Variants in LRMDA observed in about 807,000 individuals in gnomAD.
LRMDA encodes the protein leucine-rich melanocyte differentiation-associated protein.
In LRMDA, 18 loss-of-function variants were observed where a neutral mutation model predicts 29.8. That is an observed-to-expected ratio of 0.60 (90% CI 0.42 to 0.90). The LOEUF is 0.90. Ranked by LOEUF, LRMDA falls within the 40% of genes least tolerant of loss-of-function variation. The pLI, the probability that LRMDA is intolerant of heterozygous loss-of-function variation, is 0.00. For synonymous variants in LRMDA, 125 were observed against 109.4 expected (o/e 1.14, Z -0.89); for missense variants, 273 against 273.9 (o/e 1.00, Z 0.02).
At chr10:76,082,076 A>G (rs1849058358) in intron 5 of LRMDA, among the ~76,000 whole-genome samples, 1 of 152,122 alleles carries the variant, frequency 6.6e-6, no homozygotes, top group South Asian at 2.1e-4. Context: ...AGATTCACCT[A>G]CCTGAGGATT....
chr10:75,558,336 A>G (rs1840242445), intron 2 of LRMDA, among the ~76,000 whole-genome samples: 1 of 152,060 alleles, frequency 6.6e-6, no homozygotes, highest in Non-Finnish European at 1.5e-5. Flanking sequence ...CTTTGCCAGG[A>G]GAGCAAAACT....
intron 2 of LRMDA, among the ~76,000 whole-genome samples, chr10:75,805,601 T>G (rs1285895914): frequency 1.3e-5 from 2 of 152,094 alleles, no homozygotes; most frequent in Admixed American, 6.5e-5. Context: ...TCTGAGATTT[T>G]GGGTAGCTGA....
chr10:76,468,717 G>T lies in LRMDA; in HGVS notation c.602-88492G>T, dbSNP rs1189683289. Among the ~76,000 whole-genome samples the T allele has an allele frequency of 2.6e-5, 4 of 152,230 alleles. No individual in the cohort carries two copies. In the East Asian group the frequency reaches 7.7e-4, roughly 29 times the overall value. On this transcript the variant is annotated intron_variant, in intron 6 of 6. Coordinates refer to ENST00000611255, the MANE Select transcript of LRMDA (RefSeq NM_001305581.2). The stretch of plus-strand genomic sequence containing the variant: ...GCATGTGTTTGGAAAAAACTGTAGG[G>T]ATTTAAAAGTTAAACTTCTCACAGA...
chr10:75,908,903 A>C (rs889687865), intron 2 of LRMDA, among the ~76,000 whole-genome samples: 2 of 152,204 alleles, frequency 1.3e-5, no homozygotes, highest in Non-Finnish European at 2.9e-5. Flanking sequence ...CAAGTACTGA[A>C]TATCTGATTG....
chr10:75,750,122 T>C (rs10824339), intron 2 of LRMDA, among the ~76,000 whole-genome samples: 53,963 of 152,152 alleles, frequency 0.35, 15,945 homozygotes, highest in African/African-American at 0.81. Context: ...CATCATGGCC[T>C]GTTCTCAATG....
At chr10:75,822,642 C>T (rs1446991054) in intron 2 of LRMDA, among the ~76,000 whole-genome samples, 1 of 151,978 alleles carries the variant, frequency 6.6e-6, no homozygotes, top group Non-Finnish European at 1.5e-5. Flanking sequence ...GAATAGAGAA[C>T]CCAGAAATAT....
At chr10:75,534,068 A>T (rs915529945) in intron 2 of LRMDA, among the ~76,000 whole-genome samples, 1 of 152,182 alleles carries the variant, frequency 6.6e-6, no homozygotes, top group Admixed American at 6.5e-5. Flanking sequence ...TCTCTTGGCC[A>T]TTCCTGGCAT....
At chr10:75,885,279 T>G (rs982440615) in intron 2 of LRMDA, among the ~76,000 whole-genome samples, 1 of 152,220 alleles carries the variant, frequency 6.6e-6, no homozygotes, top group Non-Finnish European at 1.5e-5. Context: ...TTTGCATGCT[T>G]GGTAGGCCCC....
intron 3 of LRMDA, among the ~76,000 whole-genome samples, chr10:76,036,642 AAGCCCAG>A (rs1200777185): frequency 1.3e-5 from 2 of 152,170 alleles, no homozygotes; most frequent in African/African-American, 4.8e-5. Context: ...GAGACATGTG[AAGCCCAG>A]GCCTGGCTAT....
intron 6 of LRMDA, among the ~76,000 whole-genome samples, chr10:76,453,222 C>A (rs980193664): frequency 3.3e-5 from 5 of 152,164 alleles, no homozygotes; most frequent in African/African-American, 1.2e-4. Flanking sequence ...CTCTTTTAAT[C>A]AGGCTAAATA....
intron 6 of LRMDA, among the ~76,000 whole-genome samples, chr10:76,483,430 TAAC>T (rs557718300): frequency 6.4e-4 from 98 of 152,016 alleles, no homozygotes; most frequent in African/African-American, 2.3e-3. Flanking sequence ...AAGACCATGG[TAAC>T]AACAAGCTGG....
intron 5 of LRMDA, among the ~76,000 whole-genome samples, chr10:76,121,916 C>T (rs1034729395): frequency 1.3e-5 from 2 of 152,094 alleles, no homozygotes; most frequent in African/African-American, 4.8e-5. Context: ...TGGTATGTGC[C>T]AGGTACTGTT....
chr10:76,167,186 C>A (rs1445377211), intron 5 of LRMDA, among the ~76,000 whole-genome samples: 1 of 151,860 alleles, frequency 6.6e-6, no homozygotes, highest in Non-Finnish European at 1.5e-5. Context: ...TGTTTAAGTT[C>A]CTTATAGATG....
chr10:75,783,120 G>T, intron 2 of LRMDA: 3 of 1,351,920 alleles, frequency 2.2e-6, no homozygotes, highest in Non-Finnish European at 3.1e-6. Flanking sequence ...GGTAGGACTT[G>T]ATGAGCGAGA....
intron 2 of LRMDA, among the ~76,000 whole-genome samples, chr10:75,930,324 C>T (rs181160494): frequency 1.3e-4 from 20 of 152,012 alleles, no homozygotes; most frequent in Admixed American, 1.3e-3. Context: ...TTTATAGATA[C>T]AACACTTTGG....
At chr10:76,332,470 C>T (rs2132408628) in intron 6 of LRMDA, among the ~76,000 whole-genome samples, 1 of 152,200 alleles carries the variant, frequency 6.6e-6, no homozygotes, top group African/African-American at 2.4e-5. Context: ...TTTTTCTCTC[C>T]CAGAGCAAAG....
At chr10:76,318,449 A>T (rs1193884031) in intron 5 of LRMDA, 1 of 152,336 alleles carries the variant, frequency 6.6e-6, no homozygotes, top group African/African-American at 2.4e-5. Flanking sequence ...GGTTTTTGAC[A>T]TAATCCTCCC....
intron 6 of LRMDA, among the ~76,000 whole-genome samples, chr10:76,419,061 A>C (rs1054150593): frequency 7.2e-5 from 11 of 152,118 alleles, no homozygotes; most frequent in African/African-American, 2.7e-4. Flanking sequence ...CATTTGTTAC[A>C]ATTGATTAAT....
At chr10:76,187,650 G>A (rs906060768) in intron 5 of LRMDA, among the ~76,000 whole-genome samples, 1 of 152,168 alleles carries the variant, frequency 6.6e-6, no homozygotes, top group Non-Finnish European at 1.5e-5. Context: ...GAACTCAATG[G>A]ATGTTATTTC....
Sources: allele counts gnomAD v4.1 joint callset (sites outside exome capture counted in the v4.1 genomes callset), GRCh38; gene constraint gnomAD v4.1.1; transcripts MANE v1.5; gene names NCBI Gene and HGNC (gene_info 2026-07-23, HGNC 2026-07-21).